The following LINGO2 variants were observed in gnomAD, a reference collection of about 807,000 sequenced individuals.
LINGO2 encodes the protein leucine rich repeat and Ig domain containing 2.
Under a neutral mutation model 30.6 loss-of-function variants are expected in LINGO2, and 14 were observed. The observed-to-expected ratio is 0.46, with a 90% CI of 0.30 to 0.72. The LOEUF (loss-of-function observed/expected upper bound fraction) is 0.72, where lower values mean the gene tolerates loss of function less well. Ranked by LOEUF, LINGO2 falls within the 30% of genes least tolerant of loss-of-function variation. The pLI is 0.07. For synonymous variants in LINGO2, 317 were observed against 288.5 expected, an observed-to-expected ratio of 1.10 and a Z score of -1.00; for missense variants, 729 against 751.7, an observed-to-expected ratio of 0.97 and a Z score of 0.35.
At chr9:28,191,654 A>T (rs1203839286) in intron 4 of LINGO2, among the ~76,000 whole-genome samples, 1 of 152,104 alleles carries the variant, frequency 6.6e-6, no homozygotes, top group Non-Finnish European at 1.5e-5. Flanking sequence ...GGAACATGAC[A>T]TGTGCTCAGA....
At chr9:28,479,402 A>C (rs958002553) in intron 1 of LINGO2, among the ~76,000 whole-genome samples, 3 of 152,004 alleles carry the variant, frequency 2.0e-5, no homozygotes, top group Non-Finnish European at 4.4e-5. Context: ...TTAAAGGACA[A>C]TATGCCAAAA....
chr9:29,170,289 T>C, the LINGO2 span, among the ~76,000 whole-genome samples: 11 of 152,192 alleles, frequency 7.2e-5, no homozygotes, highest in Non-Finnish European at 1.5e-5. Flanking sequence ...TAAAACTATG[T>C]ATTTTGCAGC....
At chr9:28,669,539 CA>C (rs1205742858) in intron 1 of LINGO2, among the ~76,000 whole-genome samples, 2 of 151,926 alleles carry the variant, frequency 1.3e-5, no homozygotes, top group South Asian at 2.1e-4. Flanking sequence ...TAGTTTCCAA[CA>C]ATTGGAAGAA....
rs1379613867 is a variant in LINGO2, at chr9:28,583,121, T to C, written c.-365+87079A>G. On this transcript the variant is annotated intron_variant, in intron 1 of 5. Transcript: ENST00000379992. Reference sequence around the variant, plus strand: ...TGAAAAGATGAAATAGCACAGAATATAGCTAAGGAAAAGAGATATATAATT... The same window carrying C: ...TGAAAAGATGAAATAGCACAGAATACAGCTAAGGAAAAGAGATATATAATT... Among the ~76,000 whole-genome samples the C allele has an allele frequency of 3.3e-5, 5 of 151,948 alleles. No individual in the cohort carries two copies. In the South Asian group the frequency reaches 6.2e-4, roughly 19 times the overall value.
At chr9:29,071,507 ATATATATATATG>A in the LINGO2 span, among the ~76,000 whole-genome samples, 1,803 of 112,682 alleles carry the variant, frequency 0.016, 38 homozygotes, top group African/African-American at 0.061. Context: ...ATATATATAT[ATATATATATATG>A]TATATGTATA....
intron 2 of LINGO2, among the ~76,000 whole-genome samples, chr9:28,385,898 T>C (rs538390137): frequency 3.9e-5 from 6 of 152,274 alleles, no homozygotes; most frequent in Admixed American, 2.6e-4. Flanking sequence ...TTATTTTTAA[T>C]GAAATAACAC....
intron 1 of LINGO2, among the ~76,000 whole-genome samples, chr9:28,607,881 A>G (rs1351802194): frequency 6.6e-6 from 1 of 152,064 alleles, no homozygotes; most frequent in African/African-American, 2.4e-5. Flanking sequence ...ACCATTCCTC[A>G]AAGAAAGTGG....
chr9:28,407,855 A>T (rs1037663243), intron 2 of LINGO2, among the ~76,000 whole-genome samples: 8 of 152,122 alleles, frequency 5.3e-5, no homozygotes, highest in African/African-American at 9.7e-5. Context: ...AGACCATAAG[A>T]TTCACCCCAA....
the LINGO2 span, among the ~76,000 whole-genome samples, chr9:28,932,828 A>G: frequency 6.6e-6 from 1 of 152,156 alleles, no homozygotes; most frequent in South Asian, 2.1e-4. Flanking sequence ...GCTTTAGTTT[A>G]GATCCTAATT....
chr9:29,080,066 T>C, the LINGO2 span, among the ~76,000 whole-genome samples: 36 of 152,230 alleles, frequency 2.4e-4, no homozygotes, highest in African/African-American at 8.7e-4. Flanking sequence ...TGGGAATCCA[T>C]CTGGTCCTGG....
intron 4 of LINGO2, among the ~76,000 whole-genome samples, chr9:28,018,456 C>T (rs1050170899): frequency 9.9e-5 from 15 of 151,970 alleles, no homozygotes; most frequent in African/African-American, 3.6e-4. Flanking sequence ...ACTATGCATC[C>T]AACAAAGGTC....
At chr9:28,994,798 G>A in the LINGO2 span, among the ~76,000 whole-genome samples, 4 of 152,132 alleles carry the variant, frequency 2.6e-5, no homozygotes, top group African/African-American at 9.7e-5. Flanking sequence ...AATGGTCCTG[G>A]GAAAACTGGC....
intron 3 of LINGO2, among the ~76,000 whole-genome samples, chr9:28,369,957 A>T (rs1402173613): frequency 6.6e-6 from 1 of 152,102 alleles, no homozygotes; most frequent in Non-Finnish European, 1.5e-5. Flanking sequence ...TTATTTATAG[A>T]CTTCTAAATG....
At chr9:28,127,678 A>G (rs1426283541) in intron 4 of LINGO2, among the ~76,000 whole-genome samples, 1 of 152,142 alleles carries the variant, frequency 6.6e-6, no homozygotes, top group East Asian at 1.9e-4. Flanking sequence ...TATGGTGGAA[A>G]TGTTCTCTCT....
At chr9:28,314,523 G>C (rs1367997061) in intron 3 of LINGO2, among the ~76,000 whole-genome samples, 1 of 152,082 alleles carries the variant, frequency 6.6e-6, no homozygotes, top group Non-Finnish European at 1.5e-5. Context: ...TTATTTTACA[G>C]ATAAAGAAAC....
intron 4 of LINGO2, among the ~76,000 whole-genome samples, chr9:28,162,103 T>C (rs184716518): frequency 5.2e-4 from 79 of 152,254 alleles, no homozygotes; most frequent in Non-Finnish European, 8.1e-4. Context: ...GATATATCCA[T>C]ATATTGCCTG....
intron 4 of LINGO2, among the ~76,000 whole-genome samples, chr9:28,277,857 A>AG (rs1402339285): frequency 6.6e-6 from 1 of 151,742 alleles, no homozygotes; most frequent in Non-Finnish European, 1.5e-5. Context: ...AAACAAAAAA[A>AG]AAAACAACTA....
intron 1 of LINGO2, among the ~76,000 whole-genome samples, chr9:28,595,704 A>G (rs1825140940): frequency 6.6e-6 from 1 of 152,116 alleles, no homozygotes. Flanking sequence ...TACTACCACA[A>G]TTTCACCTAT....
chr9:29,071,462 C>T, the LINGO2 span, among the ~76,000 whole-genome samples: 1 of 140,312 alleles, frequency 7.1e-6, no homozygotes, highest in Non-Finnish European at 1.5e-5. Flanking sequence ...ACAACTATTG[C>T]TGCTTGCTTA....
Sources: allele counts gnomAD v4.1 joint callset (sites outside exome capture counted in the v4.1 genomes callset), GRCh38; gene constraint gnomAD v4.1.1; transcripts MANE v1.5; gene names NCBI Gene and HGNC (gene_info 2026-07-23, HGNC 2026-07-21).